Variants in CDC123 observed in about 807,000 individuals in gnomAD.
CDC123 encodes translation initiation factor eIF2 assembly protein.
In CDC123, 37 loss-of-function variants were observed where a neutral mutation model predicts 54.4. The observed-to-expected ratio is 0.68, with a 90% CI of 0.52 to 0.89. The LOEUF is 0.89. Ranked by LOEUF, CDC123 falls within the 40% of genes least tolerant of loss-of-function variation. The pLI is 0.00. For missense variants in CDC123, 361 were observed against 412.1 expected, an observed-to-expected ratio of 0.88 and a Z score of 1.07; for synonymous variants, 144 against 136.8, an observed-to-expected ratio of 1.05 and a Z score of -0.37.
intron 6 of CDC123, among the ~76,000 whole-genome samples, chr10:12,221,712 T>C (rs1323851859): frequency 6.7e-6 from 1 of 149,796 alleles, no homozygotes; most frequent in Non-Finnish European, 1.5e-5. Context: ...TTTTAATTTG[T>C]ATTTATTTAT....
intron 6 of CDC123, among the ~76,000 whole-genome samples, chr10:12,222,173 G>C (rs1418737659): frequency 6.6e-6 from 1 of 152,226 alleles, no homozygotes; most frequent in African/African-American, 2.4e-5. Flanking sequence ...GAACAATCCA[G>C]GTTCCATTGG....
chr10:12,199,555 T>C (rs570958675), intron 2 of CDC123, among the ~76,000 whole-genome samples: 1 of 152,322 alleles, frequency 6.6e-6, no homozygotes, highest in South Asian at 2.1e-4. Context: ...GCAGAAGTGC[T>C]TGATAAACAT....
At chr10:12,220,840 G>A (rs951868461) in intron 6 of CDC123, among the ~76,000 whole-genome samples, 1 of 152,090 alleles carries the variant, frequency 6.6e-6, no homozygotes, top group African/African-American at 2.4e-5. Context: ...AGCCGGGCGT[G>A]GTGGCGGGCG....
chr10:12,237,174 A>G lies in CDC123; in HGVS notation c.596A>G (p.Tyr199Cys), dbSNP rs778848148. Reference protein sequence around the residue: ...GISQRDYTQYYDHISKQKEEI... With the variant: ...GISQRDYTQYCDHISKQKEEI... ...TCTCAAAGAGACTACACACAATACT[A>G]TGATCATATTTCTAAACAAAAGGAA... The change falls in exon 9 of 13, where the codon TAT becomes TGT. Residue 199 changes from tyrosine to cysteine, a missense_variant. Coordinates refer to ENST00000281141, the MANE Select transcript of CDC123 (RefSeq NM_006023.3). 3.2e-6 allele frequency: 5 copies of G among 1,578,178 alleles called. No homozygotes were observed. The highest frequency in any genetic ancestry group is 4.7e-5 in the East Asian group (2 of 42,784).
intron 10 of CDC123, among the ~76,000 whole-genome samples, chr10:12,240,044 A>G (rs1448916801): frequency 6.6e-6 from 1 of 151,664 alleles, no homozygotes; most frequent in Non-Finnish European, 1.5e-5. Context: ...TATTATTTTT[A>G]GTCAACTAAA....
chr10:12,245,758 A>T (rs1051185216), intron 10 of CDC123: 1 of 158,654 alleles, frequency 6.3e-6, no homozygotes, highest in African/African-American at 2.4e-5. Context: ...GAAGATTTTT[A>T]AGATTAGAAT....
At chr10:12,250,250 G>C in intron 12 of CDC123, 61 bp from the exon 13 acceptor site, 1 of 1,060,088 alleles carries the variant, frequency 9.4e-7, no homozygotes. Flanking sequence ...AATTACACCT[G>C]CTGAGCAGAT....
intron 10 of CDC123, among the ~76,000 whole-genome samples, chr10:12,243,081 CAGT>C (rs781062966): frequency 6.6e-6 from 1 of 151,366 alleles, no homozygotes; most frequent in African/African-American, 2.4e-5. Context: ...TACCAATTAA[CAGT>C]GGTGGTTTGT....
intron 4 of CDC123, among the ~76,000 whole-genome samples, chr10:12,213,261 T>C (rs745445783): frequency 2.6e-5 from 4 of 152,208 alleles, no homozygotes; most frequent in African/African-American, 7.2e-5. Context: ...GTGATCAGTA[T>C]TAACCTTGTC....
intron 11 of CDC123, among the ~76,000 whole-genome samples, chr10:12,248,216 A>G (rs1419465505): frequency 6.6e-6 from 1 of 152,212 alleles, no homozygotes; most frequent in East Asian, 1.9e-4. Flanking sequence ...TCTTTTAAAA[A>G]ATAGTTTTGG....
chr10:12,214,232 A>G (rs1468457991), intron 4 of CDC123, among the ~76,000 whole-genome samples: 2 of 152,216 alleles, frequency 1.3e-5, no homozygotes, highest in African/African-American at 4.8e-5. Context: ...TGAAAGTTGA[A>G]TTCTTTCCCG....
intron 2 of CDC123, among the ~76,000 whole-genome samples, chr10:12,199,186 C>G (rs997223590): frequency 5.9e-5 from 9 of 152,052 alleles, no homozygotes; most frequent in African/African-American, 1.9e-4. Context: ...CTACCGTGGC[C>G]CCCCCTCCAC....
At chr10:12,198,850 C>T in intron 2 of CDC123, 74 bp downstream of exon 2, 3 of 808,186 alleles carry the variant, frequency 3.7e-6, no homozygotes, top group Non-Finnish European at 6.4e-6. Context: ...TTAGCTTAGG[C>T]ACCATTCTTT....
At chr10:12,213,921 A>G (rs906213616) in intron 4 of CDC123, among the ~76,000 whole-genome samples, 1 of 152,176 alleles carries the variant, frequency 6.6e-6, no homozygotes, top group Non-Finnish European at 1.5e-5. Flanking sequence ...CGTAAGAATT[A>G]GTTCATGTCA....
At chr10:12,241,670 C>T (rs1416069632) in intron 10 of CDC123, among the ~76,000 whole-genome samples, 1 of 151,994 alleles carries the variant, frequency 6.6e-6, no homozygotes, top group Non-Finnish European at 1.5e-5. Context: ...ACTTTGAGTT[C>T]ATCTTCAGTG....
At chr10:12,215,409 T>G (rs1443955132) in intron 4 of CDC123, among the ~76,000 whole-genome samples, 1 of 152,178 alleles carries the variant, frequency 6.6e-6, no homozygotes, top group Admixed American at 6.5e-5. Flanking sequence ...CTGTCTATTT[T>G]CTCTTGATGA....
intron 6 of CDC123, among the ~76,000 whole-genome samples, chr10:12,223,876 A>T (rs1480418815): frequency 6.6e-6 from 1 of 150,912 alleles, no homozygotes; most frequent in Non-Finnish European, 1.5e-5. Flanking sequence ...TTATTTTTTT[A>T]TTTCAGTAGG....
At chr10:12,229,895 C>T (rs1268929379) in intron 6 of CDC123, among the ~76,000 whole-genome samples, 6 of 152,182 alleles carry the variant, frequency 3.9e-5, no homozygotes, top group Non-Finnish European at 7.3e-5. Flanking sequence ...CGATGGCCAA[C>T]GTTACGTTGA....
At chr10:12,204,547 C>T (rs181446973) in intron 2 of CDC123, among the ~76,000 whole-genome samples, 4 of 152,058 alleles carry the variant, frequency 2.6e-5, no homozygotes, top group Admixed American at 1.3e-4. Flanking sequence ...TGTTTTGATC[C>T]AGGAATGCAA....
Sources: allele counts gnomAD v4.1 joint callset (sites outside exome capture counted in the v4.1 genomes callset), GRCh38; gene constraint gnomAD v4.1.1; transcripts MANE v1.5; gene names NCBI Gene and HGNC (gene_info 2026-07-23, HGNC 2026-07-21).